Variants in SDHAF4 observed in about 807,000 individuals in gnomAD.
The protein encoded by SDHAF4 is succinate dehydrogenase assembly factor 4, mitochondrial.
A neutral mutation model predicts 14.3 loss-of-function variants in SDHAF4; 14 were observed. The ratio of observed to expected loss-of-function variants is 0.98; its 90% CI spans 0.65 to 1.53. The LOEUF is 1.53. Ranked by LOEUF, SDHAF4 falls within the 40% of genes most tolerant of loss-of-function variation. The probability of loss-of-function intolerance (pLI) is 0.00; values close to 1 mark genes in which losing one functional copy is unlikely to be tolerated. For synonymous variants in SDHAF4, 63 were observed against 47.3 expected, an observed-to-expected ratio of 1.33 and a Z score of -1.36; for missense variants, 141 against 129.3, an observed-to-expected ratio of 1.09 and a Z score of -0.44.
downstream of SDHAF4, among the ~76,000 whole-genome samples, chr6:70,590,793 G>C (rs1765251137): frequency 6.6e-6 from 1 of 152,156 alleles, no homozygotes; most frequent in Admixed American, 6.5e-5. Flanking sequence ...ATAGGAGAGA[G>C]AGAGATTATG....
chr6:70,578,343 T>A (rs1175442968), intron 1 of SDHAF4, among the ~76,000 whole-genome samples: 1 of 152,230 alleles, frequency 6.6e-6, no homozygotes, highest in Admixed American at 6.5e-5. Context: ...GAGCATTTTT[T>A]AATATGTTTG....
chr6:70,588,846 T>TATATATAG lies in SDHAF4; in HGVS notation c.*129_*130insGATATATA. ...GTAGTTTGTATAATGTGTTTAAATA[T>TATATATAG]ATATATATATGATGGCTTTGGAAGA... is the stretch of plus-strand genomic sequence containing the variant. On this transcript the variant is annotated 3_prime_UTR_variant, in exon 3 of 3. Transcript: ENST00000370474. The TATATATAG allele has an allele frequency of 8.6e-6, 3 of 347,294 alleles. No individual in the cohort carries two copies. The highest frequency in any genetic ancestry group is 1.1e-5 in the Non-Finnish European group (2 of 187,038). 21.5% of individuals were successfully genotyped at this position (347,294 alleles called of 1,614,324 possible).
intron 2 of SDHAF4, among the ~76,000 whole-genome samples, chr6:70,587,103 G>A (rs918395735): frequency 9.3e-5 from 14 of 150,202 alleles, no homozygotes; most frequent in African/African-American, 2.7e-4. Context: ...CCCTGGAGGC[G>A]GAGGTTGCAG....
intron 2 of SDHAF4, among the ~76,000 whole-genome samples, chr6:70,581,212 G>A (rs1802316996): frequency 6.6e-6 from 1 of 152,034 alleles, no homozygotes; most frequent in South Asian, 2.1e-4. Flanking sequence ...TTACAGGCGT[G>A]AGCCACTGTG....
chr6:70,595,547 G>A, the SDHAF4 span, among the ~76,000 whole-genome samples: 1 of 152,122 alleles, frequency 6.6e-6, no homozygotes, highest in Admixed American at 6.5e-5. Flanking sequence ...ACCTCCAACT[G>A]CCCAAGTTAG....
intron 1 of SDHAF4, among the ~76,000 whole-genome samples, chr6:70,573,716 C>T (rs1468887985): frequency 1.4e-5 from 2 of 146,786 alleles, no homozygotes; most frequent in Non-Finnish European, 3.0e-5. Context: ...TGCTCTGTTG[C>T]CCTGGCTGGA....
intron 1 of SDHAF4, among the ~76,000 whole-genome samples, chr6:70,575,502 A>G (rs1802242876): frequency 1.3e-5 from 2 of 150,772 alleles, no homozygotes; most frequent in Admixed American, 1.3e-4. Flanking sequence ...AAAAGACGCA[A>G]TAAGTGTAGC....
chr6:70,589,766 C>T (rs1244872437), downstream of SDHAF4, among the ~76,000 whole-genome samples: 1 of 152,128 alleles, frequency 6.6e-6, no homozygotes, highest in East Asian at 1.9e-4. Flanking sequence ...ACTTATTTAA[C>T]TTCTCTGTGC....
chr6:70,570,585 C>T (rs757288745), intron 1 of SDHAF4, among the ~76,000 whole-genome samples: 4 of 151,120 alleles, frequency 2.6e-5, no homozygotes, highest in Non-Finnish European at 5.9e-5. Context: ...CAGGCGAGAG[C>T]CACCGTGCCC....
At chr6:70,576,899 CAT>C (rs898041648) in intron 1 of SDHAF4, among the ~76,000 whole-genome samples, 1 of 152,192 alleles carries the variant, frequency 6.6e-6, no homozygotes, top group African/African-American at 2.4e-5. Flanking sequence ...GCTGCTGTAA[CAT>C]ATTACCACAA....
At chr6:70,591,564 C>T (rs2128536885), downstream of SDHAF4, among the ~76,000 whole-genome samples, 1 of 152,022 alleles carries the variant, frequency 6.6e-6, no homozygotes, top group African/African-American at 2.4e-5. Flanking sequence ...CTCCTGATCT[C>T]GTGATCTGCC....
downstream of SDHAF4, among the ~76,000 whole-genome samples, chr6:70,590,918 G>C (rs1206150444): frequency 6.6e-6 from 1 of 152,102 alleles, no homozygotes; most frequent in East Asian, 1.9e-4. Flanking sequence ...GAGTCCAAAG[G>C]CCTGAGAAGC....
At chr6:70,591,078 A>G (rs1288770101), downstream of SDHAF4, among the ~76,000 whole-genome samples, 1 of 152,214 alleles carries the variant, frequency 6.6e-6, no homozygotes, top group East Asian at 1.9e-4. Context: ...ATGCCCGAAT[A>G]CATTGGGAAG....
At chr6:70,572,260 T>C (rs1802192159) in intron 1 of SDHAF4, among the ~76,000 whole-genome samples, 2 of 152,010 alleles carry the variant, frequency 1.3e-5, no homozygotes, top group African/African-American at 2.4e-5. Flanking sequence ...AGACGAGGTT[T>C]CACCATGTTG....
chr6:70,595,123 A>G, the SDHAF4 span, among the ~76,000 whole-genome samples: 1 of 152,160 alleles, frequency 6.6e-6, no homozygotes, highest in Non-Finnish European at 1.5e-5. Flanking sequence ...TCCAGTGTAC[A>G]GATCTGGAAT....
At chr6:70,597,676 C>T in the SDHAF4 span, among the ~76,000 whole-genome samples, 1 of 152,146 alleles carries the variant, frequency 6.6e-6, no homozygotes, top group Non-Finnish European at 1.5e-5. Flanking sequence ...GATGACTCTT[C>T]AGAGACCTGG....
chr6:70,581,087 A>G (rs1260663555), intron 2 of SDHAF4, among the ~76,000 whole-genome samples: 1 of 151,882 alleles, frequency 6.6e-6, no homozygotes, highest in Non-Finnish European at 1.5e-5. Context: ...ACACCACCAC[A>G]CTGGCTCATT....
intron 1 of SDHAF4, among the ~76,000 whole-genome samples, chr6:70,569,237 T>C (rs1275009106): frequency 2.6e-5 from 4 of 152,032 alleles, no homozygotes; most frequent in Non-Finnish European, 4.4e-5. Context: ...GTGCTGGGAT[T>C]ACAGGCGTGA....
intron 2 of SDHAF4, among the ~76,000 whole-genome samples, chr6:70,587,608 A>T (rs969379293): frequency 9.9e-5 from 15 of 152,214 alleles, no homozygotes; most frequent in Admixed American, 7.9e-4. Flanking sequence ...TGCAGCCAGG[A>T]TGTCTGAATT....
Sources: gnomAD v4.1 joint callset for allele counts (sites outside exome capture counted in the v4.1 genomes callset) on GRCh38, gnomAD v4.1.1 for gene constraint, MANE v1.5 for transcripts, NCBI Gene and HGNC (gene_info 2026-07-23, HGNC 2026-07-21) for gene names.